The following TMX3 variants were observed in gnomAD, a reference collection of about 807,000 sequenced individuals.
TMX3 encodes the protein thioredoxin related transmembrane protein 3, also known as protein disulfide-isomerase TMX3.
A neutral mutation model predicts 64.4 loss-of-function variants in TMX3; 40 were observed. The ratio of observed to expected loss-of-function variants is 0.62; its 90% CI spans 0.48 to 0.81. The LOEUF is 0.81. TMX3 is among the 30% of genes least tolerant of loss of function. TMX3 has a pLI of 0.00. For missense variants in TMX3, 497 were observed against 534.5 expected, an observed-to-expected ratio of 0.93 and a Z score of 0.69; for synonymous variants, 189 against 175.7, an observed-to-expected ratio of 1.08 and a Z score of -0.60.
Position 68,711,459 on chromosome 18 carries a change from T to A in TMX3, c.102-56A>T, listed in dbSNP as rs909441194. ...TATGTTTGTGTCCACTTTACAACTGTATAGTATAGGCAGAGATAATACATT... is the reference window on the plus strand; with the variant it reads ...TATGTTTGTGTCCACTTTACAACTGAATAGTATAGGCAGAGATAATACATT... On this transcript the variant is annotated intron_variant, in intron 2 of 15. Coordinates refer to ENST00000299608, the MANE Select transcript of TMX3 (RefSeq NM_019022.5). 4 of 1,275,218 alleles carry A rather than the reference T, an allele frequency of 3.1e-6. No individual in the cohort carries two copies. In the East Asian group the frequency reaches 9.6e-5, roughly 31 times the overall value. 79.0% of individuals were successfully genotyped at this position (1,275,218 alleles called of 1,614,324 possible). A position where few individuals can be genotyped will look rare whatever the true frequency, so the allele number is the denominator to read the frequency against.
intron 10 of TMX3, 38 bp downstream of exon 10, chr18:68,687,629 C>A (rs777473266): frequency 1.3e-6 from 2 of 1,558,656 alleles, no homozygotes; most frequent in South Asian, 1.2e-5. Context: ...AAAGAAAAAT[C>A]ATGTAACATA....
rs1056127482 is a variant in TMX3, at chr18:68,675,374, G to C, written c.*1559C>G. Reference sequence around the variant, plus strand: ...AGAAATATGGAGTGTCAAACACTAAGAATAGGTATTTAATTATTAAATACT... The same window carrying C: ...AGAAATATGGAGTGTCAAACACTAACAATAGGTATTTAATTATTAAATACT... On this transcript the variant is annotated 3_prime_UTR_variant, in exon 16 of 16. Coordinates refer to ENST00000299608, the MANE Select transcript of TMX3 (RefSeq NM_019022.5). 1 of 152,014 alleles carries C rather than the reference G, an allele frequency of 6.6e-6. No homozygotes were observed. The highest frequency in any genetic ancestry group is 2.4e-5 in the African/African-American group (1 of 41,408). 9.4% of individuals were successfully genotyped at this position (152,014 alleles called of 1,614,324 possible). A position where few individuals can be genotyped will look rare whatever the true frequency, so the allele number is the denominator to read the frequency against.
intron 2 of TMX3, among the ~76,000 whole-genome samples, chr18:68,711,837 A>G (rs1317807790): frequency 2.0e-5 from 3 of 152,172 alleles, no homozygotes; most frequent in Non-Finnish European, 4.4e-5. Context: ...ATGATGGCTC[A>G]GTGTTCATAA....
At position 68,676,771 on chromosome 18, in the gene TMX3, C is replaced by T. The variant is rs1912958762; in HGVS notation, c.*162G>A. ...ACTGTTCATCTCTTTGCTCCAAACA[C>T]TTCCCCATGTATGGAGGGACTACTT... On this transcript the variant is annotated 3_prime_UTR_variant, in exon 16 of 16. Transcript: ENST00000299608. The T allele has an allele frequency of 2.4e-6, 2 of 848,104 alleles. No individual in the cohort carries two copies. The highest frequency in any genetic ancestry group is 3.5e-6 in the Non-Finnish European group (2 of 566,218). The allele number at this position is 848,104 out of a possible 1,614,324, so 52.5% of individuals were successfully genotyped here.
At position 68,676,000 on chromosome 18, in the gene TMX3, C is replaced by T. The variant is rs977314570; in HGVS notation, c.*933G>A. ...AACTGTGTGTGTCTGTGGGTGCATA[C>T]GTACGTATTCTAGAGTAGAAGTTAC... On this transcript the variant is annotated 3_prime_UTR_variant, in exon 16 of 16. Transcript: ENST00000299608. 4 of 152,056 alleles carry T rather than the reference C, an allele frequency of 2.6e-5. No individual in the cohort carries two copies. The highest frequency in any genetic ancestry group is 7.2e-5 in the African/African-American group (3 of 41,396). 9.4% of individuals were successfully genotyped at this position (152,056 alleles called of 1,614,324 possible).
chr18:68,682,043 C>A (rs571828674), intron 13 of TMX3, among the ~76,000 whole-genome samples: 183 of 152,276 alleles, frequency 1.2e-3, no homozygotes, highest in African/African-American at 4.0e-3. Context: ...TTAGTGTGCA[C>A]TGGGTGCAGG....
At position 68,684,420 on chromosome 18, in the gene TMX3, C is replaced by T. The variant is rs1422144182; in HGVS notation, c.794+8G>A. The stretch of plus-strand genomic sequence containing the variant: ...TTTGAAGCTTAAAACTATATCAAGG[C>T]ATTATACCTGGTATGTTCAACTGAT... On this transcript the variant is annotated splice_region_variant and intron_variant, in intron 11 of 15. Transcript: ENST00000299608. 13 of 1,610,204 alleles carry T rather than the reference C, an allele frequency of 8.1e-6. No individual in the cohort carries two copies. Among genetic ancestry groups the T allele is most frequent in the African/African-American group, 2.7e-5 (2 of 74,804 alleles).
At chr18:68,699,041 A>G (rs919701064) in intron 6 of TMX3, among the ~76,000 whole-genome samples, 1 of 151,976 alleles carries the variant, frequency 6.6e-6, no homozygotes, top group African/African-American at 2.4e-5. Flanking sequence ...AAAACCAAAA[A>G]CTAAGAAGAG....
intron 10 of TMX3, chr18:68,687,433 TC>T (rs1914070490): frequency 2.4e-5 from 24 of 985,442 alleles, no homozygotes; most frequent in Non-Finnish European, 2.5e-5. Context: ...CTTTTTGTTT[TC>T]CTTATCACCA....
rs1913002585 is a variant in TMX3, at chr18:68,677,124, T to A, written c.1174A>T (p.Met392Leu). 3 of 1,613,368 alleles carry A rather than the reference T, an allele frequency of 1.9e-6. No homozygotes were observed. The highest frequency in any genetic ancestry group is 2.5e-6 in the Non-Finnish European group (3 of 1,179,630). ...TCGGCTGTGTAGATTCCATAGCACA[T>A]GATACTGATGACACCCAGTGGCAGG... ...FGLPLGVISIMCYGIYTADTD... is the reference protein window; with the variant it reads ...FGLPLGVISILCYGIYTADTD... Residue 392 changes from methionine (M) to leucine (L), a missense_variant, in exon 16 of 16, where the codon ATG becomes TTG. Met to Leu is a conservative substitution (Grantham distance 15). Transcript: ENST00000299608.
At chr18:68,679,374 A>T (rs889123285) in intron 15 of TMX3, 89 bp downstream of exon 15, 6 of 1,036,374 alleles carry the variant, frequency 5.8e-6, no homozygotes, top group Non-Finnish European at 8.5e-6. Flanking sequence ...ATTTTGACCT[A>T]ATCTTTTCAA....
chr18:68,712,827 C>T (rs954417958), intron 2 of TMX3, among the ~76,000 whole-genome samples: 1 of 151,994 alleles, frequency 6.6e-6, no homozygotes, highest in Admixed American at 6.6e-5. Flanking sequence ...GCGAAGTGCC[C>T]CCATGGGACT....
Position 68,714,931 on chromosome 18 carries a change from A to G in TMX3, c.46+5T>C, listed in dbSNP as rs530335258. On this transcript the variant is annotated splice_donor_5th_base_variant and intron_variant, in intron 1 of 15. Transcript: ENST00000299608. ...CCAGCGTCCCGACCGCTGAGCCCCCATTACCTGTGGCGCAGAGCCGCAGGG... is the reference window on the plus strand; with the variant it reads ...CCAGCGTCCCGACCGCTGAGCCCCCGTTACCTGTGGCGCAGAGCCGCAGGG... The G allele has an allele frequency of 1.9e-6, 3 of 1,561,660 alleles. No individual in the cohort carries two copies. Among genetic ancestry groups the G allele is most frequent in the South Asian group, 1.2e-5 (1 of 84,794 alleles).
In TMX3 at chr18:68,676,827, G is replaced by A. The variant is rs940119077; in HGVS notation, c.*106C>T. 7 of 1,395,458 alleles carry A rather than the reference G, an allele frequency of 5.0e-6. No individual in the cohort carries two copies. Among genetic ancestry groups the A allele is most frequent in the African/African-American group, 2.9e-5 (2 of 68,490 alleles). The allele number at this position is 1,395,458 out of a possible 1,614,324, so 86.4% of individuals were successfully genotyped here. ...CATGCAGTTGATATTAGCAAAATAC[G>A]AATAACATGTTCTTTTCTGTAAAGA... On this transcript the variant is annotated 3_prime_UTR_variant, in exon 16 of 16. Transcript: ENST00000299608.
At chr18:68,689,035 C>T (rs1186531387) in intron 9 of TMX3, 1 of 152,160 alleles carries the variant, frequency 6.6e-6, no homozygotes, top group Non-Finnish European at 1.5e-5. Context: ...CACATGTAGA[C>T]TCTGAATCTA....
chr18:68,678,457 A>AGGGGAAAGG (rs1029239968), intron 15 of TMX3, among the ~76,000 whole-genome samples: 2 of 152,082 alleles, frequency 1.3e-5, no homozygotes, highest in African/African-American at 4.8e-5. Context: ...GGGACTGCAA[A>AGGGGAAAGG]GGGGAAAGGG....
At chr18:68,699,393 AC>A (rs1284782188) in intron 6 of TMX3, among the ~76,000 whole-genome samples, 1 of 152,142 alleles carries the variant, frequency 6.6e-6, no homozygotes, top group Non-Finnish European at 1.5e-5. Flanking sequence ...CCCTCATACA[AC>A]ATAAAGTTAT....
intron 10 of TMX3, 129 bp from the exon 11 acceptor site, chr18:68,684,614 A>G (rs1422764662): frequency 2.8e-6 from 2 of 727,128 alleles, no homozygotes; most frequent in South Asian, 1.8e-5. Flanking sequence ...CCTACATGTT[A>G]TATCAAATTA....
chr18:68,694,419 G>A (rs1914852865), intron 8 of TMX3, among the ~76,000 whole-genome samples: 1 of 152,198 alleles, frequency 6.6e-6, no homozygotes, highest in African/African-American at 2.4e-5. Flanking sequence ...TGGAGCAGGT[G>A]CCTGGAGCTG....
Sources: gnomAD v4.1 joint callset for allele counts (sites outside exome capture counted in the v4.1 genomes callset) on GRCh38, gnomAD v4.1.1 for gene constraint, MANE v1.5 for transcripts, NCBI Gene and HGNC (gene_info 2026-07-23, HGNC 2026-07-21) for gene names.